Variants in RHBDL1 observed in about 807,000 individuals in gnomAD.
RHBDL1 encodes rhomboid like 1.
In RHBDL1, 21 loss-of-function variants were observed where a neutral mutation model predicts 34.0. The observed-to-expected ratio is 0.62, with a 90% CI of 0.44 to 0.89. RHBDL1 has a LOEUF of 0.89. RHBDL1 is among the 40% of genes least tolerant of loss of function. The pLI, the probability that RHBDL1 is intolerant of heterozygous loss-of-function variation, is 0.00. For missense variants in RHBDL1, 450 were observed against 530.6 expected, an observed-to-expected ratio of 0.85 and a Z score of 1.49; for synonymous variants, 268 against 234.8, an observed-to-expected ratio of 1.14 and a Z score of -1.29.
At chr16:677,190 C>CAGGTGCGGCAACTTG in intron 4 of RHBDL1, 71 bp downstream of exon 4, 1 of 1,575,146 alleles carries the variant, frequency 6.3e-7, no homozygotes, top group Non-Finnish European at 8.6e-7. Context: ...AGCCGCAAGG[C>CAGGTGCGGCAACTTG]AGGTGCGGCA....
Position 677,993 on chromosome 16 carries a change from G to A in RHBDL1, c.1063G>A (p.Val355Ile), listed in dbSNP as rs141417547. ...LAYGTFLLFA[V>I]FWNVFAYDLL... ...CTACGGCACCTTCCTGCTCTTCGCC[G>A]TCTTCTGGAACGTCTTCGCCTACGA... The change falls in exon 8 of 8, where the codon GTC becomes ATC. Residue 355 changes from valine to isoleucine, a missense_variant. Transcript: ENST00000352681. 38 of 1,599,270 alleles carry A rather than the reference G, an allele frequency of 2.4e-5. No individual in the cohort carries two copies. The East Asian group carries it at 4.2e-4, about 18-fold the overall frequency.
rs945716441 is a variant in RHBDL1, at chr16:675,759, CGACCCCG to C, written c.-23_-17del. 6.3e-6 allele frequency: 9 copies of C among 1,433,994 alleles called. No individual in the cohort carries two copies. The African/African-American group carries it at 8.8e-5, about 14-fold the overall frequency. The allele number at this position is 1,433,994 out of a possible 1,614,324, so 88.8% of individuals were successfully genotyped here. On this transcript the variant is annotated 5_prime_UTR_variant, in exon 1 of 8. Coordinates refer to ENST00000352681, the MANE Select transcript of RHBDL1 (RefSeq NM_001278720.2). ...AGCAGCCCCTCCCGGCCGCGGCCGC[CGACCCCG>C]GACCCCGGCCCCCGGCCAGGCTCTA...
chr16:676,367 G>C lies in RHBDL1; in HGVS notation c.71G>C (p.Gly24Ala), dbSNP rs566759044. 3 of 1,610,388 alleles carry C rather than the reference G, an allele frequency of 1.9e-6. No individual in the cohort carries two copies. The East Asian group carries it at 6.7e-5, about 36-fold the overall frequency. The change falls in exon 2 of 8, where the codon GGT becomes GCT. Residue 24 changes from glycine to alanine, a missense_variant. Physicochemically the swap from Gly to Ala is moderately conservative, Grantham distance 60. Coordinates refer to ENST00000352681, the MANE Select transcript of RHBDL1 (RefSeq NM_001278720.2). The surrounding 1 kb of genome is among the most constrained non-coding windows in gnomAD (Gnocchi z 6.9). ...QLDPENTGFI[G>A]ADTFTGLVHS... ...GACCCCGAGAACACAGGCTTCATCG[G>C]TGCGGACACCTTCACTGGCCTGGTG...
Position 675,756 on chromosome 16 carries a change from C to A in RHBDL1, c.-35C>A. ...CAGAGCAGCCCCTCCCGGCCGCGGCCGCCGACCCCGGACCCCGGCCCCCGG... is the reference window on the plus strand; with the variant it reads ...CAGAGCAGCCCCTCCCGGCCGCGGCAGCCGACCCCGGACCCCGGCCCCCGG... On this transcript the variant is annotated 5_prime_UTR_variant, in exon 1 of 8. Transcript: ENST00000352681. 2 of 1,427,974 alleles carry A rather than the reference C, an allele frequency of 1.4e-6. No individual in the cohort carries two copies. The highest frequency in any genetic ancestry group is 1.4e-5 in the South Asian group (1 of 72,912). The allele number at this position is 1,427,974 out of a possible 1,614,324, so 88.5% of individuals were successfully genotyped here. A position where few individuals can be genotyped will look rare whatever the true frequency, so the allele number is the denominator to read the frequency against.
Position 676,150 on chromosome 16 carries a change from G to A in RHBDL1, c.40-186G>A. 1 of 1,471,788 alleles carries A rather than the reference G, an allele frequency of 6.8e-7. No individual in the cohort carries two copies. Among genetic ancestry groups the A allele is most frequent in the Non-Finnish European group, 9.0e-7 (1 of 1,108,256 alleles). 91.2% of individuals were successfully genotyped at this position (1,471,788 alleles called of 1,614,324 possible). ...AACAACTGAGGAGCTGGAGGACTGG[G>A]ACCCAGGCACCAGTGCCCTGCCAGC... On this transcript the variant is annotated intron_variant, in intron 1 of 7. Coordinates refer to ENST00000352681, the MANE Select transcript of RHBDL1 (RefSeq NM_001278720.2). The surrounding 1 kb of genome is among the most constrained non-coding windows in gnomAD (Gnocchi z 6.9).
At position 677,057 on chromosome 16, in the gene RHBDL1, G is replaced by A; in HGVS notation, c.513G>A (p.Val171=). 6.2e-7 allele frequency: 1 copy of A among 1,612,868 alleles called. No homozygotes were observed. Among genetic ancestry groups the A allele is most frequent in the Non-Finnish European group, 8.5e-7 (1 of 1,179,932 alleles). The change falls in exon 4 of 8, where the codon GTG becomes GTA. Residue 171 remains valine (V), a synonymous_variant. Coordinates refer to ENST00000352681, the MANE Select transcript of RHBDL1 (RefSeq NM_001278720.2). ...YHPEYMKSPL[V]YHPGHRARAW... ...CCGAGTACATGAAGAGCCCCCTTGTGTACCACCCCGGGCACCGTGCCCGCG... is the reference window on the plus strand; with the variant it reads ...CCGAGTACATGAAGAGCCCCCTTGTATACCACCCCGGGCACCGTGCCCGCG...
rs774507179 is a variant in RHBDL1 at position 676,395 on chromosome 16, C to T, written c.99C>T (p.His33=). ...IGADTFTGLV[H]SHELPLDPAK... is the part of the protein sequence containing the mutation. ...CGGACACCTTCACTGGCCTGGTGCA[C>T]AGCCATGAGCTGCCCCTGGACCCGG... The change falls in exon 2 of 8, where the codon CAC becomes CAT. Residue 33 remains histidine (H), a synonymous_variant. Coordinates refer to ENST00000352681, the MANE Select transcript of RHBDL1 (RefSeq NM_001278720.2). The surrounding 1 kb of genome is among the most constrained non-coding windows in gnomAD (Gnocchi z 6.9). 5.6e-6 allele frequency: 9 copies of T among 1,609,066 alleles called. No homozygotes were observed. The highest frequency in any genetic ancestry group is 2.2e-5 in the East Asian group (1 of 44,786).
rs780284318 is a variant in RHBDL1, at chr16:676,903, C to T, written c.426+7C>T. On this transcript the variant is annotated splice_region_variant and intron_variant, in intron 3 of 7. Transcript: ENST00000352681. This position sits in a 1 kb window ranked among gnomAD's most constrained non-coding sequence, Gnocchi z 6.9. ...CTCGGTCACTCTTGCCCAGGTGGGC[C>T]CCCCGGCCGCTGCCCCGGGAGCCTC... 3.7e-6 allele frequency: 6 copies of T among 1,611,446 alleles called. No individual in the cohort carries two copies. Among genetic ancestry groups the T allele is most frequent in the Non-Finnish European group, 4.2e-6 (5 of 1,179,218 alleles).
In RHBDL1 at chr16:678,054, CGGCTA is replaced by C. The variant is rs1245019176; in HGVS notation, c.*3_*7del. On this transcript the variant is annotated 3_prime_UTR_variant, in exon 8 of 8. Transcript: ENST00000352681. ...GCCCACATCCCCCCACCGCCCTGAC[CGGCTA>C]CCTGAGGCTGCACAGGCCAGGGCTC... 16 of 1,556,258 alleles carry C rather than the reference CGGCTA, an allele frequency of 1.0e-5. No homozygotes were observed. The highest frequency in any genetic ancestry group is 1.4e-5 in the Non-Finnish European group (16 of 1,156,220).
chr16:675,995 T>C lies in RHBDL1; in HGVS notation c.39+166T>C, dbSNP rs569238330. ...TCTGGGACCCCAGGAGAGGACTGAC[T>C]GGACCAGAGCTCCTGGCTGGAGAAG... On this transcript the variant is annotated intron_variant, in intron 1 of 7. Transcript: ENST00000352681. 3.7e-6 allele frequency: 5 copies of C among 1,339,050 alleles called. No individual in the cohort carries two copies. The African/African-American group carries it at 8.5e-5, about 23-fold the overall frequency. The allele number at this position is 1,339,050 out of a possible 1,614,324, so 82.9% of individuals were successfully genotyped here.
At position 675,741 on chromosome 16, in the gene RHBDL1, C is replaced by G; in HGVS notation, c.-50C>G. ...GAGCGGAGTCGTCCGCAGAGCAGCC[C>G]CTCCCGGCCGCGGCCGCCGACCCCG... On this transcript the variant is annotated 5_prime_UTR_variant, in exon 1 of 8. Coordinates refer to ENST00000352681, the MANE Select transcript of RHBDL1 (RefSeq NM_001278720.2). 1 of 1,271,100 alleles carries G rather than the reference C, an allele frequency of 7.9e-7. No individual in the cohort carries two copies. The highest frequency in any genetic ancestry group is 1.5e-5 in the South Asian group (1 of 68,138). The allele number at this position is 1,271,100 out of a possible 1,614,324, so 78.7% of individuals were successfully genotyped here.
At position 677,785 on chromosome 16, in the gene RHBDL1, C is replaced by T. The variant is rs1262250709; in HGVS notation, c.855C>T (p.Ser285=). 1.3e-6 allele frequency: 2 copies of T among 1,544,662 alleles called. No homozygotes were observed. The highest frequency in any genetic ancestry group is 1.9e-5 in the Admixed American group (1 of 53,478). ...ACCTGCCGCGTCCCTCTGCAGTGAG[C>T]TCCGAGGTGGGCCGGGCCGTGTGGC... ...LRMVLALVCM[S]SEVGRAVWLR... The change falls in exon 8 of 8, where the codon AGC becomes AGT. Residue 285 remains serine, a synonymous_variant. Coordinates refer to ENST00000352681, the MANE Select transcript of RHBDL1 (RefSeq NM_001278720.2).
In RHBDL1 at chr16:677,662, C is replaced by T; in HGVS notation, c.813C>T (p.Pro271=). The T allele has an allele frequency of 6.4e-7, 1 of 1,562,690 alleles. No individual in the cohort carries two copies. The highest frequency in any genetic ancestry group is 8.7e-7 in the Non-Finnish European group (1 of 1,151,776). ...VVMNWAGMRC[P]YKLLRMVLAL... ...AGAACTGGGCTGGGATGAGATGTCC[C>T]TACAAGTTGCTGAGGATGGTGCTGG... Residue 271 remains proline (P), a synonymous_variant, in exon 7 of 8, where the codon CCC becomes CCT. Coordinates refer to ENST00000352681, the MANE Select transcript of RHBDL1 (RefSeq NM_001278720.2).
rs1176173464 is a variant in RHBDL1, at chr16:676,442, C to T, written c.146C>T (p.Ala49Val). Residue 49 changes from alanine to valine, a missense_variant, in exon 2 of 8, where the codon GCC (alanine) becomes GTC (valine). By Grantham distance (64) the Ala-to-Val change is moderately conservative. Transcript: ENST00000352681. This position sits in a 1 kb window ranked among gnomAD's most constrained non-coding sequence, Gnocchi z 6.9. ...CCGGCCAAGCTGGACATGCTGGTGG[C>T]CCTGGCTCAGAGCAACGAGCAGGGC... The part of the protein sequence containing the change: ...LDPAKLDMLV[A>V]LAQSNEQGQV... 2 of 1,605,160 alleles carry T rather than the reference C, an allele frequency of 1.2e-6. No individual in the cohort carries two copies. The highest frequency in any genetic ancestry group is 1.7e-6 in the Non-Finnish European group (2 of 1,178,100).
At chr16:677,196 C>T (rs547839001) in intron 4 of RHBDL1, 77 bp downstream of exon 4, 26 of 1,572,300 alleles carry the variant, frequency 1.7e-5, no homozygotes, top group Middle Eastern at 1.7e-4. Context: ...AAGGCAGGTG[C>T]GGCAACTTGA....
Position 677,827 on chromosome 16 carries a change from G to T in RHBDL1, c.897G>T (p.Pro299=), listed in dbSNP as rs536311737. 4.4e-6 allele frequency: 7 copies of T among 1,579,970 alleles called. No individual in the cohort carries two copies. Among genetic ancestry groups the T allele is most frequent in the South Asian group, 1.1e-5 (1 of 88,630 alleles). ...CCGTGTGGCTGCGCTTCTCCCCGCC[G>T]CTGCCCGCCTCGGGCCCACAGCCCA... The part of the protein sequence containing the change: ...GRAVWLRFSP[P]LPASGPQPSF... The change falls in exon 8 of 8, where the codon CCG becomes CCT. Residue 299 remains proline (P), a synonymous_variant. Coordinates refer to ENST00000352681, the MANE Select transcript of RHBDL1 (RefSeq NM_001278720.2).
At position 676,313 on chromosome 16, in the gene RHBDL1, T is replaced by C. The variant is rs149809924; in HGVS notation, c.40-23T>C. The stretch of plus-strand genomic sequence containing the variant: ...AGGGGTCGGGCCCGCACTCAGGCCT[T>C]GGCTGGCGGCTCCTCACTGCAGCAG... On this transcript the variant is annotated intron_variant, in intron 1 of 7. Transcript: ENST00000352681. The surrounding 1 kb of genome is among the most constrained non-coding windows in gnomAD (Gnocchi z 6.9). 296 of 1,605,450 alleles carry C rather than the reference T, an allele frequency of 1.8e-4. No individual in the cohort carries two copies. In the African/African-American group the frequency reaches 3.6e-3, roughly 20 times the overall value.
Position 676,571 on chromosome 16 carries a change from G to C in RHBDL1, c.201+74G>C. On this transcript the variant is annotated intron_variant, in intron 2 of 7. Coordinates refer to ENST00000352681, the MANE Select transcript of RHBDL1 (RefSeq NM_001278720.2). This position sits in a 1 kb window ranked among gnomAD's most constrained non-coding sequence, Gnocchi z 6.9. ...GGAGGCGGGCAGGCAGCTCCTCACG[G>C]CGGTGGGTGGGGGGCTTGTGGATGC... The C allele has an allele frequency of 6.4e-7, 1 of 1,572,608 alleles. No individual in the cohort carries two copies. Among genetic ancestry groups the C allele is most frequent in the Non-Finnish European group, 8.6e-7 (1 of 1,162,794 alleles).
Position 677,510 on chromosome 16 carries a change from C to T in RHBDL1, c.740C>T (p.Ser247Phe), listed in dbSNP as rs2039569616. 1.2e-6 allele frequency: 2 copies of T among 1,609,264 alleles called. No individual in the cohort carries two copies. The highest frequency in any genetic ancestry group is 1.7e-5 in the Admixed American group (1 of 59,948). ...ATGCGGGCCCCGGTGGTGGGAGGCT[C>T]CGGCGGGGTCTACGCCCTGTGCTCG... ...TDMRAPVVGG[S>F]GGVYALCSAH... The change falls in exon 6 of 8, where the codon TCC (serine) becomes TTC (phenylalanine). Residue 247 changes from serine (S) to phenylalanine (F), a missense_variant. Ser to Phe is a radical substitution (Grantham distance 155, BLOSUM62 -2). Transcript: ENST00000352681.
Sources: gnomAD v4.1 joint callset for allele counts on GRCh38, gnomAD v4.1.1 for gene constraint, Gnocchi (gnomAD v3.1) non-coding constraint, MANE v1.5 for transcripts, NCBI Gene and HGNC (gene_info 2026-07-23, HGNC 2026-07-21) for gene names.